The following ENPEP variants were observed in gnomAD, a reference collection of about 807,000 sequenced individuals.
ENPEP encodes the protein AP-A.
In ENPEP, 103 loss-of-function variants were observed where a neutral mutation model predicts 114.5. The ratio of observed to expected loss-of-function variants is 0.90; its 90% CI spans 0.77 to 1.06. The LOEUF (loss-of-function observed/expected upper bound fraction) is 1.06. Among genes scored for constraint, ENPEP ranks in the 50% least tolerant of loss-of-function variants. ENPEP has a pLI of 0.00. For synonymous variants in ENPEP, 420 were observed against 422.0 expected (o/e 1.00, Z 0.06); for missense variants, 1,196 against 1,161.3 (o/e 1.03, Z -0.43).
In ENPEP at chr4:110,534,553, G is replaced by A. The variant is rs1578411850; in HGVS notation, c.1807+3276G>A. Among the ~76,000 whole-genome samples, 5 of 109,352 alleles carry A rather than the reference G, an allele frequency of 4.6e-5. 2 individuals are homozygous for A. The South Asian group carries it at 1.6e-3, about 34-fold the overall frequency. The allele number at this position is 109,352 out of a possible 152,430, so 71.7% of individuals were successfully genotyped here. A position where few individuals can be genotyped will look rare whatever the true frequency, so the allele number is the denominator to read the frequency against. On this transcript the variant is annotated intron_variant, in intron 11 of 19. Transcript: ENST00000265162. ...ACAGAGTTTTGTTCTTGTTGCCCAG[G>A]CCGGAGTGCAGTGGAGCGATCTCAG...
At chr4:110,531,309 T>G (rs1726398223) in intron 11 of ENPEP, 32 bp downstream of exon 11, 4 of 1,374,418 alleles carry the variant, frequency 2.9e-6, no homozygotes, top group Non-Finnish European at 3.9e-6. Context: ...ATTTCTTCTT[T>G]GAATTGATGT....
intron 10 of ENPEP, among the ~76,000 whole-genome samples, chr4:110,526,472 C>A (rs1419141341): frequency 6.6e-6 from 1 of 152,112 alleles, no homozygotes; most frequent in African/African-American, 2.4e-5. Context: ...TTCAAGGTCA[C>A]ACAGTGTAAA....
At chr4:110,525,264 G>C (rs1490412653) in intron 10 of ENPEP, among the ~76,000 whole-genome samples, 1 of 152,178 alleles carries the variant, frequency 6.6e-6, no homozygotes, top group African/African-American at 2.4e-5. Flanking sequence ...AAAATCTCAG[G>C]AACTCCAGTC....
At chr4:110,504,306 T>C (rs1725277379) in intron 3 of ENPEP, among the ~76,000 whole-genome samples, 2 of 152,098 alleles carry the variant, frequency 1.3e-5, no homozygotes, top group African/African-American at 4.8e-5. Flanking sequence ...ACTGGCTTCT[T>C]TTCCTTAGGG....
intron 11 of ENPEP, among the ~76,000 whole-genome samples, chr4:110,535,768 C>T (rs376336807): frequency 4.7e-4 from 71 of 152,204 alleles, no homozygotes; most frequent in African/African-American, 1.7e-3. Flanking sequence ...AGGTGGATCG[C>T]CTGAGGTCGG....
chr4:110,485,149 C>T (rs1318554164), intron 1 of ENPEP, among the ~76,000 whole-genome samples: 2 of 152,116 alleles, frequency 1.3e-5, no homozygotes, highest in South Asian at 4.1e-4. Context: ...AGTGTACAGG[C>T]TTTTTTAGAG....
intron 11 of ENPEP, among the ~76,000 whole-genome samples, 162 bp from the exon 12 acceptor site, chr4:110,542,589 A>G (rs1311977020): frequency 1.3e-5 from 2 of 152,088 alleles, no homozygotes; most frequent in Non-Finnish European, 2.9e-5. Flanking sequence ...AAGTTAGACA[A>G]CTAAGTAAAA....
intron 1 of ENPEP, among the ~76,000 whole-genome samples, chr4:110,481,269 T>A (rs1724302710): frequency 6.6e-6 from 1 of 151,602 alleles, no homozygotes; most frequent in Non-Finnish European, 1.5e-5. Flanking sequence ...TTTTTTTTTT[T>A]AAAGAGATGA....
chr4:110,547,993 G>A (rs964997037), intron 13 of ENPEP, among the ~76,000 whole-genome samples, 183 bp from the exon 14 acceptor site: 4 of 151,706 alleles, frequency 2.6e-5, no homozygotes, highest in Non-Finnish European at 2.9e-5. Flanking sequence ...GTATAATTTC[G>A]GACAAAACTT....
At chr4:110,523,828 C>G (rs1450117184) in intron 10 of ENPEP, among the ~76,000 whole-genome samples, 3 of 152,142 alleles carry the variant, frequency 2.0e-5, no homozygotes, top group African/African-American at 7.2e-5. Flanking sequence ...AACTTAGTAA[C>G]ATTTTCTTGT....
At position 110,549,367 on chromosome 4, in the gene ENPEP, A is replaced by C; in HGVS notation, c.2173A>C (p.Lys725Gln). 1 of 1,613,196 alleles carries C rather than the reference A, an allele frequency of 6.2e-7. No individual in the cohort carries two copies. The highest frequency in any genetic ancestry group is 8.5e-7 in the Non-Finnish European group (1 of 1,179,404). Residue 725 changes from lysine (K) to glutamine (Q), a missense_variant, in exon 15 of 20, where the codon AAG becomes CAG. Transcript: ENST00000265162. ...TCAGGAATACTTCCAAGGTCAAGTG[A>C]AGCCTATTGCAGATTCTCTGGGATG... The part of the protein sequence containing the change: ...MIEEYFQGQV[K>Q]PIADSLGWND...
chr4:110,488,601 T>C lies in ENPEP; in HGVS notation c.705T>C (p.Asp235=), dbSNP rs773172766. ...TDARKSFPCF[D]EPNKKATYTI... ...CCAGGAAATCTTTTCCTTGTTTTGA[T>C]GAGCCCAACAAAAAGGCAACTTATA... Residue 235 remains aspartate, a synonymous_variant, in exon 2 of 20, where the codon GAT becomes GAC. Transcript: ENST00000265162. The C allele has an allele frequency of 3.7e-6, 6 of 1,614,034 alleles. No individual in the cohort carries two copies. Among genetic ancestry groups the C allele is most frequent in the South Asian group, 2.2e-5 (2 of 91,058 alleles).
At chr4:110,534,504 CTTTTTTT>C (rs71595561) in intron 11 of ENPEP, among the ~76,000 whole-genome samples, 11 of 52,302 alleles carry the variant, frequency 2.1e-4, no homozygotes, top group African/African-American at 5.8e-4. Context: ...TTCGTTGTTT[CTTTTTTT>C]TTTTTTTTTT....
chr4:110,523,020 T>C (rs80303578), intron 10 of ENPEP, among the ~76,000 whole-genome samples: 4,279 of 152,034 alleles, frequency 0.028, 92 homozygotes, highest in Non-Finnish European at 0.047. Flanking sequence ...CGAAAGGAAA[T>C]GCTCAGGGTG....
At chr4:110,543,120 A>C in intron 13 of ENPEP, 50 bp downstream of exon 13, 1 of 1,517,076 alleles carries the variant, frequency 6.6e-7, no homozygotes, top group Non-Finnish European at 9.1e-7. Flanking sequence ...GGGTTTTCTC[A>C]TAAATCTTTT....
At chr4:110,520,150 T>A in intron 9 of ENPEP, 65 bp from the exon 10 acceptor site, 1 of 1,591,520 alleles carries the variant, frequency 6.3e-7, no homozygotes, top group South Asian at 1.1e-5. Context: ...CTAATCTAAC[T>A]ATTCTATCCT....
intron 11 of ENPEP, among the ~76,000 whole-genome samples, chr4:110,532,876 G>C (rs1726460113): frequency 6.6e-6 from 1 of 152,044 alleles, no homozygotes; most frequent in Non-Finnish European, 1.5e-5. Context: ...TTCAATGCGA[G>C]GCTCTATCTT....
At chr4:110,483,640 G>T (rs957012020) in intron 1 of ENPEP, among the ~76,000 whole-genome samples, 4 of 152,152 alleles carry the variant, frequency 2.6e-5, no homozygotes, top group Admixed American at 2.6e-4. Flanking sequence ...ATTGTGCTAG[G>T]TCTAGTAAGT....
intron 18 of ENPEP, among the ~76,000 whole-genome samples, chr4:110,554,816 A>T (rs1342579840): frequency 4.6e-5 from 7 of 152,010 alleles, no homozygotes; most frequent in Non-Finnish European, 4.4e-5. Context: ...GAAGCATAAA[A>T]GTTACTTTTG....
Sources: gnomAD v4.1 joint callset for allele counts (sites outside exome capture counted in the v4.1 genomes callset) on GRCh38, gnomAD v4.1.1 for gene constraint, MANE v1.5 for transcripts, NCBI Gene and HGNC (gene_info 2026-07-23, HGNC 2026-07-21) for gene names.